Variants in DRG2 observed in about 807,000 individuals in gnomAD.
DRG2 encodes developmentally-regulated GTP-binding protein 2.
Under a neutral mutation model 53.4 loss-of-function variants are expected in DRG2, and 36 were observed. The observed-to-expected ratio is 0.67, with a 90% CI of 0.52 to 0.89. DRG2 has a LOEUF of 0.89. DRG2 is among the 40% of genes least tolerant of loss of function. DRG2 has a pLI of 0.00. For synonymous variants in DRG2, 167 were observed against 192.1 expected, an observed-to-expected ratio of 0.87 and a Z score of 1.08; for missense variants, 342 against 481.2, an observed-to-expected ratio of 0.71 and a Z score of 2.71.
Position 18,098,298 on chromosome 17 carries a change from C to A in DRG2, c.254C>A (p.Thr85Lys). ...KSTFLSLMTS[T>K]ASEAASYEFT... The stretch of plus-strand genomic sequence containing the variant: ...ACATTCTTGAGTCTGATGACCTCCA[C>A]GGCCAGCGAGGCAGCGTCCTATGAG... The change falls in exon 3 of 13, where the codon ACG becomes AAG. Residue 85 changes from threonine to lysine, a missense_variant. Thr to Lys is a moderately conservative substitution (Grantham distance 78). Coordinates refer to ENST00000225729, the MANE Select transcript of DRG2 (RefSeq NM_001388.5). This position sits in a 1 kb window ranked among gnomAD's most constrained non-coding sequence, Gnocchi z 4.1. 1 of 1,613,958 alleles carries A rather than the reference C, an allele frequency of 6.2e-7. No individual in the cohort carries two copies. The highest frequency in any genetic ancestry group is 1.7e-5 in the Admixed American group (1 of 60,010).
chr17:18,101,562 G>T lies in DRG2; in HGVS notation c.701G>T (p.Gly234Val). The T allele has an allele frequency of 3.7e-6, 6 of 1,614,148 alleles. No individual in the cohort carries two copies. The highest frequency in any genetic ancestry group is 5.1e-6 in the Non-Finnish European group (6 of 1,180,034). ...SPDEFIDVIV[G>V]NRVYMPCLYV... ...GACGAGTTCATCGATGTGATCGTGG[G>T]CAACCGGGTGTACATGCCCTGCCTG... The change falls in exon 8 of 13, where the codon GGC becomes GTC. Residue 234 changes from glycine to valine, a missense_variant. Transcript: ENST00000225729.
intron 1 of DRG2, among the ~76,000 whole-genome samples, chr17:18,090,187 C>CTTT (rs764657114): frequency 5.7e-4 from 40 of 70,266 alleles, no homozygotes; most frequent in East Asian, 1.3e-3. Flanking sequence ...ACACTGAATC[C>CTTT]TTTTTTTTTT....
Position 18,103,730 on chromosome 17 carries a change from G to A in DRG2, c.807-71G>A. The A allele has an allele frequency of 1.4e-6, 2 of 1,449,688 alleles. No homozygotes were observed. The highest frequency in any genetic ancestry group is 1.9e-6 in the Non-Finnish European group (2 of 1,031,934). The allele number at this position is 1,449,688 out of a possible 1,614,324, so 89.8% of individuals were successfully genotyped here. A position where few individuals can be genotyped will look rare whatever the true frequency, so the allele number is the denominator to read the frequency against. ...CCAGTGGAGGTTATCCGCTCCAATAGTGAGAAGTGGAGACCCCAGCCTCTG... is the reference window on the plus strand; with the variant it reads ...CCAGTGGAGGTTATCCGCTCCAATAATGAGAAGTGGAGACCCCAGCCTCTG... On this transcript the variant is annotated intron_variant, in intron 9 of 12. Coordinates refer to ENST00000225729, the MANE Select transcript of DRG2 (RefSeq NM_001388.5). This position sits in a 1 kb window ranked among gnomAD's most constrained non-coding sequence, Gnocchi z 4.4.
At chr17:18,107,969 G>GA (rs1238160158), downstream of DRG2, 1 of 152,330 alleles carries the variant, frequency 6.6e-6, no homozygotes, top group East Asian at 1.9e-4. Flanking sequence ...ATTGAAAACG[G>GA]TTCCTGTTCA....
At chr17:18,095,171 CT>C (rs907692376) in intron 2 of DRG2, among the ~76,000 whole-genome samples, 19 of 151,348 alleles carry the variant, frequency 1.3e-4, no homozygotes, top group Admixed American at 2.0e-4. Context: ...GCCACCACCC[CT>C]GGCTAATTTT....
At position 18,107,545 on chromosome 17, in the gene DRG2, C is replaced by A; in HGVS notation, c.*305C>A. The A allele has an allele frequency of 2.4e-6, 1 of 419,140 alleles. No homozygotes were observed. The highest frequency in any genetic ancestry group is 4.4e-6 in the Non-Finnish European group (1 of 225,348). The allele number at this position is 419,140 out of a possible 1,614,324, so 26.0% of individuals were successfully genotyped here. On this transcript the variant is annotated 3_prime_UTR_variant, in exon 13 of 13. Coordinates refer to ENST00000225729, the MANE Select transcript of DRG2 (RefSeq NM_001388.5). Reference sequence around the variant, plus strand: ...TGAGGGAGCAAGTTGCCCACATGCCCGCCAGCCAGGGCCTAAAGCAGATGG... The same window carrying A: ...TGAGGGAGCAAGTTGCCCACATGCCAGCCAGCCAGGGCCTAAAGCAGATGG...
intron 1 of DRG2, among the ~76,000 whole-genome samples, chr17:18,090,392 ATATATATATATATATTTTTT>A (rs1276012955): frequency 2.6e-4 from 3 of 11,718 alleles, no homozygotes; most frequent in African/African-American, 1.4e-3. Flanking sequence ...ATATATATAT[ATATATATATATATATTTTTT>A]TTTTTTTTTT....
In DRG2 at chr17:18,103,981, C is replaced by T. The variant is rs545735973; in HGVS notation, c.895+92C>T. 381 of 1,256,626 alleles carry T rather than the reference C, an allele frequency of 3.0e-4. 4 individuals are homozygous for T. The South Asian group carries it at 3.5e-3, about 11-fold the overall frequency. The allele number at this position is 1,256,626 out of a possible 1,614,324, so 77.8% of individuals were successfully genotyped here. A position where few individuals can be genotyped will look rare whatever the true frequency, so the allele number is the denominator to read the frequency against. Reference sequence around the variant, plus strand: ...GTGTGGTGCCCAGAGACCCCAGCACCGGCTCTGGCCTGGCTTGTCTAGACA... The same window carrying T: ...GTGTGGTGCCCAGAGACCCCAGCACTGGCTCTGGCCTGGCTTGTCTAGACA... On this transcript the variant is annotated intron_variant, in intron 10 of 12. Coordinates refer to ENST00000225729, the MANE Select transcript of DRG2 (RefSeq NM_001388.5). The surrounding 1 kb of genome is among the most constrained non-coding windows in gnomAD (Gnocchi z 4.4).
intron 8 of DRG2, 139 bp from the exon 9 acceptor site, chr17:18,101,782 A>G (rs1210083170): frequency 2.6e-6 from 3 of 1,172,178 alleles, no homozygotes; most frequent in Non-Finnish European, 3.6e-6. Flanking sequence ...AGCCTTCCCA[A>G]CCCTGAGGCA....
chr17:18,088,053 C>G lies in DRG2; in HGVS notation c.30C>G (p.Ile10Met). 1 of 1,549,826 alleles carries G rather than the reference C, an allele frequency of 6.5e-7. No individual in the cohort carries two copies. Among genetic ancestry groups the G allele is most frequent in the Admixed American group, 2.0e-5 (1 of 50,746 alleles). ...GGATCTTAGAGAAGATCTCGGAGAT[C>G]GAGAAGGAGATCGCTCGGACACAGA... MGILEKISE[I>M]EKEIARTQKN... Residue 10 changes from isoleucine (I) to methionine (M), a missense_variant, in exon 1 of 13, where the codon ATC becomes ATG. Transcript: ENST00000225729.
In DRG2 at chr17:18,098,087, T is replaced by A. The variant is rs368102490; in HGVS notation, c.226-183T>A. 1.4e-4 allele frequency: 81 copies of A among 576,724 alleles called. No individual in the cohort carries two copies. In the East Asian group the frequency reaches 2.3e-3, roughly 16 times the overall value. The allele number at this position is 576,724 out of a possible 1,614,324, so 35.7% of individuals were successfully genotyped here. ...AGATGGGCCTCTGGTGTCTGACCCA[T>A]CCAGGACAGGGCCAGAGGTGAGCCC... On this transcript the variant is annotated intron_variant, in intron 2 of 12. Transcript: ENST00000225729. This position sits in a 1 kb window ranked among gnomAD's most constrained non-coding sequence, Gnocchi z 4.1.
Position 18,100,112 on chromosome 17 carries a change from C to G in DRG2, c.468-251C>G. 3.4e-6 allele frequency: 2 copies of G among 589,660 alleles called. No individual in the cohort carries two copies. The highest frequency in any genetic ancestry group is 3.0e-6 in the Non-Finnish European group (1 of 330,872). The allele number at this position is 589,660 out of a possible 1,614,324, so 36.5% of individuals were successfully genotyped here. A position where few individuals can be genotyped will look rare whatever the true frequency, so the allele number is the denominator to read the frequency against. On this transcript the variant is annotated intron_variant, in intron 5 of 12. Transcript: ENST00000225729. This position sits in a 1 kb window ranked among gnomAD's most constrained non-coding sequence, Gnocchi z 4.1. Reference sequence around the variant, plus strand: ...AGAAGGAGTACCCTCATGTGGTCACCTCGCGGGGGCTCCACCACTTGCCTG... The same window carrying G: ...AGAAGGAGTACCCTCATGTGGTCACGTCGCGGGGGCTCCACCACTTGCCTG...
Position 18,099,786 on chromosome 17 carries a change from T to C in DRG2, c.467+63T>C. On this transcript the variant is annotated intron_variant, in intron 5 of 12. Transcript: ENST00000225729. This position sits in a 1 kb window ranked among gnomAD's most constrained non-coding sequence, Gnocchi z 4.4. The stretch of plus-strand genomic sequence containing the variant: ...GGGGAGGGCCAATGTGTCCCTGAGC[T>C]CGTACTAGGCGGCCTGTGGGTGTTT... 6.6e-7 allele frequency: 1 copy of C among 1,514,228 alleles called. No individual in the cohort carries two copies. Among genetic ancestry groups the C allele is most frequent in the African/African-American group, 1.4e-5 (1 of 72,796 alleles). 93.8% of individuals were successfully genotyped at this position (1,514,228 alleles called of 1,614,324 possible).
intron 2 of DRG2, chr17:18,095,936 G>C (rs927723248): frequency 6.6e-6 from 1 of 152,146 alleles, no homozygotes. Flanking sequence ...GTCTCCTTAG[G>C]CTCTTCTAGA....
chr17:18,105,063 G>A (rs921745119), intron 11 of DRG2, among the ~76,000 whole-genome samples: 1 of 152,182 alleles, frequency 6.6e-6, no homozygotes, highest in African/African-American at 2.4e-5. Flanking sequence ...ACAGAGGTCA[G>A]GACAGCGGCT....
chr17:18,095,702 A>G (rs1182926750), intron 2 of DRG2: 1 of 152,220 alleles, frequency 6.6e-6, no homozygotes, highest in African/African-American at 2.4e-5. Context: ...CGCCCGGCCT[A>G]AAGTAAACTT....
Position 18,087,966 on chromosome 17 carries a change from G to T in DRG2, c.-58G>T. ...GCACGCTACTCTGTCGCCGCCGTCA[G>T]ACCGGAATTGCCGGTGCCGCCGCCA... On this transcript the variant is annotated 5_prime_UTR_variant, in exon 1 of 13. Transcript: ENST00000225729. 6.5e-7 allele frequency: 1 copy of T among 1,535,338 alleles called. No homozygotes were observed. The highest frequency in any genetic ancestry group is 1.2e-5 in the South Asian group (1 of 82,914).
chr17:18,090,394 ATATATATATATATTTTTTTTT>A (rs1340120315), intron 1 of DRG2, among the ~76,000 whole-genome samples: 4 of 11,414 alleles, frequency 3.5e-4, no homozygotes, highest in African/African-American at 2.7e-3. Context: ...ATATATATAT[ATATATATATATATTTTTTTTT>A]TTTTTTTTTT....
intron 2 of DRG2, among the ~76,000 whole-genome samples, chr17:18,095,231 C>G (rs985786781): frequency 6.6e-6 from 1 of 151,282 alleles, no homozygotes; most frequent in Non-Finnish European, 1.5e-5. Context: ...AGGCTGGTCT[C>G]GAACTTCTGA....
Sources: allele counts gnomAD v4.1 joint callset (sites outside exome capture counted in the v4.1 genomes callset), GRCh38; gene constraint gnomAD v4.1.1; non-coding constraint Gnocchi (gnomAD v3.1); transcripts MANE v1.5; gene names NCBI Gene and HGNC (gene_info 2026-07-23, HGNC 2026-07-21).